The following ATXN7L1 variants were observed in gnomAD, a reference collection of about 807,000 sequenced individuals.
ATXN7L1 encodes the protein ataxin 7 like 1.
In ATXN7L1, 15 loss-of-function variants were observed where a neutral mutation model predicts 70.8. That is an observed-to-expected ratio of 0.21 (90% confidence interval 0.14 to 0.33). The LOEUF is 0.33. Among genes scored for constraint, ATXN7L1 ranks in the 10% least tolerant of loss-of-function variants. The probability of loss-of-function intolerance (pLI) is 1.00; values close to 1 mark genes in which losing one functional copy is unlikely to be tolerated. For missense variants in ATXN7L1, 975 were observed against 1,097.1 expected (o/e 0.89, Z 1.57); for synonymous variants, 440 against 445.1 (o/e 0.99, Z 0.14).
In ATXN7L1 at chr7:105,790,307, T is replaced by C. The variant is rs575470677; in HGVS notation, c.251-1599A>G. Among the ~76,000 whole-genome samples the C allele has an allele frequency of 2.0e-5, 3 of 152,276 alleles. No homozygotes were observed. In the South Asian group the frequency reaches 6.2e-4, roughly 32 times the overall value. On this transcript the variant is annotated intron_variant, in intron 2 of 11. Transcript: ENST00000419735. ...TTTAAATGGTGAACTGTAGAGTATG[T>C]GAATTATATCTCAGCTGGGTGTGGT...
intron 2 of ATXN7L1, among the ~76,000 whole-genome samples, chr7:105,845,301 C>T (rs1719873866): frequency 6.9e-6 from 1 of 145,120 alleles, no homozygotes; most frequent in Admixed American, 6.9e-5. Flanking sequence ...ATTTCATTTA[C>T]AATAATATCA....
intron 3 of ATXN7L1, among the ~76,000 whole-genome samples, chr7:105,767,874 A>G (rs933555749): frequency 4.6e-5 from 7 of 152,066 alleles, no homozygotes; most frequent in Middle Eastern, 3.4e-3. Flanking sequence ...TCTCCAGTCC[A>G]CCCCTCTGGA....
Position 105,807,350 on chromosome 7 carries a change from T to C in ATXN7L1, c.251-18642A>G, listed in dbSNP as rs80085229. 5.9e-3 allele frequency among the ~76,000 whole-genome samples: 905 copies of C among 152,320 alleles called. 8 individuals carry two copies. Among genetic ancestry groups the C allele is most frequent in the African/African-American group, 0.02 (846 of 41,570 alleles). On this transcript the variant is annotated intron_variant, in intron 2 of 11. Transcript: ENST00000419735. ...TGCTGTGCAGAATTTGAACACTGTG[T>C]GTCAAACTCCACTGCACTTCCCTGC...
At chr7:105,843,054 TA>T (rs942854450) in intron 2 of ATXN7L1, among the ~76,000 whole-genome samples, 1 of 152,204 alleles carries the variant, frequency 6.6e-6, no homozygotes, top group Non-Finnish European at 1.5e-5. Context: ...CTTTTTTTCT[TA>T]AAATGAAGGC....
chr7:105,771,482 C>T (rs1544476), intron 3 of ATXN7L1, among the ~76,000 whole-genome samples: 20,229 of 151,972 alleles, frequency 0.13, 1,611 homozygotes, highest in Admixed American at 0.19. Flanking sequence ...AGAACACTTT[C>T]GGGAACTTGA....
Position 105,613,970 on chromosome 7 carries a change from T to G in ATXN7L1, c.2364A>C (p.Lys788Asn). 1 of 1,552,328 alleles carries G rather than the reference T, an allele frequency of 6.4e-7. No individual in the cohort carries two copies. The highest frequency in any genetic ancestry group is 1.7e-4 in the Middle Eastern group (1 of 5,994). Reference sequence around the variant, plus strand: ...CAGGCATTTTAGTGATTTTACAGGCTTTGCTACTAGAACTCGAGTTCTTAC... The same window carrying G: ...CAGGCATTTTAGTGATTTTACAGGCGTTGCTACTAGAACTCGAGTTCTTAC... Reference protein sequence around the residue: ...KKRKNSSSSSKACKITKMPGM... With the variant: ...KKRKNSSSSSNACKITKMPGM... Residue 788 changes from lysine to asparagine, a missense_variant, in exon 10 of 12, where the codon AAA becomes AAC. By Grantham distance (94) the Lys-to-Asn change is moderately conservative. Transcript: ENST00000419735.
At chr7:105,833,343 G>T (rs2116592557) in intron 2 of ATXN7L1, among the ~76,000 whole-genome samples, 1 of 152,110 alleles carries the variant, frequency 6.6e-6, no homozygotes, top group East Asian at 1.9e-4. Flanking sequence ...TGCCGTAAAG[G>T]CAGGGAATTC....
At chr7:105,608,836 T>C (rs1174328320) in intron 11 of ATXN7L1, among the ~76,000 whole-genome samples, 1 of 152,210 alleles carries the variant, frequency 6.6e-6, no homozygotes, top group African/African-American at 2.4e-5. Context: ...TATTTTGTTA[T>C]TTGGTGTCTA....
chr7:105,631,097 C>T lies in ATXN7L1; in HGVS notation c.1203-6830G>A, dbSNP rs144497304. Among the ~76,000 whole-genome samples, 19 of 152,236 alleles carry T rather than the reference C, an allele frequency of 1.2e-4. No individual in the cohort carries two copies. The East Asian group carries it at 3.5e-3, about 28-fold the overall frequency. On this transcript the variant is annotated intron_variant, in intron 7 of 11. Coordinates refer to ENST00000419735, the MANE Select transcript of ATXN7L1 (RefSeq NM_020725.2). ...CTCTGATGGTTGGGGGCTGGTGCTCCTCCACCTCTGGACCTCATGTAGCAT... is the reference window on the plus strand; with the variant it reads ...CTCTGATGGTTGGGGGCTGGTGCTCTTCCACCTCTGGACCTCATGTAGCAT...
intron 4 of ATXN7L1, among the ~76,000 whole-genome samples, chr7:105,663,277 AACAAAGCTTGCCC>A: frequency 6.6e-6 from 1 of 152,334 alleles, no homozygotes; most frequent in East Asian, 1.9e-4. Flanking sequence ...ACCCAAGGAG[AACAAAGCTTGCCC>A]ACGAGGCCCA....
intron 3 of ATXN7L1, among the ~76,000 whole-genome samples, chr7:105,722,284 C>T (rs899997094): frequency 3.3e-5 from 5 of 152,040 alleles, no homozygotes; most frequent in African/African-American, 1.2e-4. Context: ...ATACAAAGGC[C>T]GGGCACAGTG....
At chr7:105,686,082 T>C (rs950871372) in intron 3 of ATXN7L1, among the ~76,000 whole-genome samples, 8 of 151,946 alleles carry the variant, frequency 5.3e-5, no homozygotes, top group African/African-American at 1.7e-4. Flanking sequence ...TCCTCGTCCA[T>C]CTAAGGTTAG....
intron 3 of ATXN7L1, among the ~76,000 whole-genome samples, chr7:105,687,939 A>G (rs1314339070): frequency 6.6e-6 from 1 of 152,212 alleles, no homozygotes; most frequent in Non-Finnish European, 1.5e-5. Flanking sequence ...GAAAAGAGCC[A>G]TTCTATATTG....
chr7:105,615,976 G>A (rs1371176810), intron 9 of ATXN7L1, among the ~76,000 whole-genome samples: 3 of 152,194 alleles, frequency 2.0e-5, no homozygotes, highest in Non-Finnish European at 4.4e-5. Context: ...CCGGGAGGAG[G>A]CACACGGCCA....
rs550837930 is a variant in ATXN7L1, at chr7:105,631,790, G to A, written c.1202+6563C>T. On this transcript the variant is annotated intron_variant, in intron 7 of 11. Coordinates refer to ENST00000419735, the MANE Select transcript of ATXN7L1 (RefSeq NM_020725.2). ...CCAATGACAATAAACTTGCTAACAA[G>A]AGAGCAAAGGTTTACTTGCCAGAGA... Among the ~76,000 whole-genome samples, 201 of 152,336 alleles carry A rather than the reference G, an allele frequency of 1.3e-3. 1 individual carries two copies. Among genetic ancestry groups the A allele is most frequent in the African/African-American group, 4.7e-3 (197 of 41,586 alleles).
At chr7:105,623,252 T>C (rs1795198100) in intron 8 of ATXN7L1, among the ~76,000 whole-genome samples, 1 of 152,112 alleles carries the variant, frequency 6.6e-6, no homozygotes, top group Admixed American at 6.5e-5. Context: ...TTACACAGTC[T>C]AGAGACAGAG....
chr7:105,620,303 G>T lies in ATXN7L1; in HGVS notation c.1414C>A (p.Arg472Ser). 1 of 1,549,916 alleles carries T rather than the reference G, an allele frequency of 6.5e-7. No homozygotes were observed. The highest frequency in any genetic ancestry group is 1.2e-5 in the South Asian group (1 of 83,344). The change falls in exon 9 of 12, where the codon CGC becomes AGC. Residue 472 changes from arginine (R) to serine (S), a missense_variant. Physicochemically the swap from Arg to Ser is moderately radical, Grantham distance 110. Transcript: ENST00000419735. ...RPLAFCSFGSRLMGRGYYVFD... is the reference protein window; with the variant it reads ...RPLAFCSFGSSLMGRGYYVFD... ...ACATAGTACCCTCGTCCCATGAGGC[G>T]ACTCCCAAATGAGCAAAACTGTGAG...
chr7:105,761,588 G>A (rs1800558011), intron 3 of ATXN7L1: 1 of 1,195,948 alleles, frequency 8.4e-7, no homozygotes, highest in African/African-American at 1.5e-5. Flanking sequence ...AACACTGGTT[G>A]CTTAAATGCG....
At chr7:105,720,326 A>G (rs1333043604) in intron 3 of ATXN7L1, among the ~76,000 whole-genome samples, 49 of 152,204 alleles carry the variant, frequency 3.2e-4, no homozygotes, top group African/African-American at 1.0e-3. Context: ...CTGAGGTCAG[A>G]AGTTCGAGAC....
Sources: allele counts gnomAD v4.1 joint callset (sites outside exome capture counted in the v4.1 genomes callset), GRCh38; gene constraint gnomAD v4.1.1; transcripts MANE v1.5; gene names NCBI Gene and HGNC (gene_info 2026-07-23, HGNC 2026-07-21).